Variants in ATRNL1 observed in about 807,000 individuals in gnomAD.
The protein encoded by ATRNL1 is attractin-like protein 1.
A neutral mutation model predicts 182.7 loss-of-function variants in ATRNL1; 95 were observed. The ratio of observed to expected loss-of-function variants is 0.52; its 90% confidence interval spans 0.44 to 0.62. The LOEUF (loss-of-function observed/expected upper bound fraction) is 0.62, where lower values mean the gene tolerates loss of function less well. ATRNL1 is among the 20% of genes least tolerant of loss of function. ATRNL1 has a pLI of 0.00. For missense variants in ATRNL1, 1,471 were observed against 1,679.5 expected (o/e 0.88, Z 2.17); for synonymous variants, 576 against 568.3 (o/e 1.01, Z -0.19).
intron 27 of ATRNL1, among the ~76,000 whole-genome samples, chr10:115,785,877 T>C (rs1949384584): frequency 6.6e-6 from 1 of 152,224 alleles, no homozygotes. Context: ...ATCCTTTACA[T>C]GTTTCACCTT....
intron 24 of ATRNL1, among the ~76,000 whole-genome samples, chr10:115,509,144 A>G (rs145044233): frequency 1.4e-4 from 22 of 152,118 alleles, no homozygotes; most frequent in Admixed American, 1.1e-3. Context: ...CAGCATATCT[A>G]TTTACAGCAT....
At position 115,499,327 on chromosome 10, in the gene ATRNL1, T is replaced by C. The variant is rs1849701467; in HGVS notation, c.3655-19936T>C. ...CATATTTTAACTGGTATAATCTTTGTGAAAAAGTAATGCTTGTTTTCTAGT... is the reference window on the plus strand; with the variant it reads ...CATATTTTAACTGGTATAATCTTTGCGAAAAAGTAATGCTTGTTTTCTAGT... On this transcript the variant is annotated intron_variant, in intron 24 of 28. Transcript: ENST00000355044. 2.0e-5 allele frequency among the ~76,000 whole-genome samples: 3 copies of C among 152,216 alleles called. No homozygotes were observed. The South Asian group carries it at 6.2e-4, about 31-fold the overall frequency.
chr10:115,326,115 G>A (rs1854864466), intron 18 of ATRNL1, among the ~76,000 whole-genome samples: 1 of 152,024 alleles, frequency 6.6e-6, no homozygotes, highest in South Asian at 2.1e-4. Flanking sequence ...AATAAACGGT[G>A]TTCAATTAGG....
At chr10:115,702,366 G>C (rs1555051759) in intron 26 of ATRNL1, among the ~76,000 whole-genome samples, 1 of 151,950 alleles carries the variant, frequency 6.6e-6, no homozygotes, top group Non-Finnish European at 1.5e-5. Context: ...AATAAGACAA[G>C]GATGCTCACT....
At chr10:115,581,734 A>G (rs1855097445) in intron 26 of ATRNL1, among the ~76,000 whole-genome samples, 1 of 139,114 alleles carries the variant, frequency 7.2e-6, no homozygotes, top group Non-Finnish European at 1.6e-5. Context: ...TAAAGAAACC[A>G]TCGACACTAA....
chr10:115,797,325 G>A (rs2907579), intron 27 of ATRNL1, among the ~76,000 whole-genome samples: 25,801 of 151,982 alleles, frequency 0.17, 2,459 homozygotes, highest in Non-Finnish European at 0.22. Context: ...CCTTTCTTCC[G>A]TGGTCTCTCT....
intron 15 of ATRNL1, among the ~76,000 whole-genome samples, chr10:115,289,671 A>G (rs932009078): frequency 1.3e-5 from 2 of 151,970 alleles, no homozygotes; most frequent in African/African-American, 4.8e-5. Context: ...TCTTGGTGTA[A>G]TTGTCAAAAA....
At chr10:115,107,898 G>A (rs1160536105) in intron 1 of ATRNL1, among the ~76,000 whole-genome samples, 1 of 152,290 alleles carries the variant, frequency 6.6e-6, no homozygotes, top group East Asian at 1.9e-4. Context: ...GCACAGGGCA[G>A]TGAATGCTGA....
chr10:115,648,249 G>A (rs1232436335), intron 26 of ATRNL1, among the ~76,000 whole-genome samples: 2 of 152,136 alleles, frequency 1.3e-5, no homozygotes, highest in African/African-American at 4.8e-5. Context: ...ACTTACAAGG[G>A]ATGTGAAGGA....
At chr10:115,209,356 A>G (rs1592262945) in intron 8 of ATRNL1, among the ~76,000 whole-genome samples, 1 of 147,792 alleles carries the variant, frequency 6.8e-6, no homozygotes, top group East Asian at 2.0e-4. Flanking sequence ...TCATAGTCCT[A>G]TGCTGTCACA....
chr10:115,452,750 T>G (rs959687437), intron 21 of ATRNL1, among the ~76,000 whole-genome samples: 2 of 152,156 alleles, frequency 1.3e-5, no homozygotes, highest in Admixed American at 1.3e-4. Flanking sequence ...CAATACAGTA[T>G]TGTTAACTAT....
chr10:115,621,645 T>G (rs1555022972), intron 26 of ATRNL1, among the ~76,000 whole-genome samples: 1 of 152,026 alleles, frequency 6.6e-6, no homozygotes, highest in East Asian at 1.9e-4. Context: ...AGTTTAAAAA[T>G]GTGTACAAGA....
chr10:115,127,961 G>C (rs1845047815), intron 4 of ATRNL1, among the ~76,000 whole-genome samples: 3 of 151,994 alleles, frequency 2.0e-5, no homozygotes, highest in Admixed American at 6.6e-5. Flanking sequence ...ATTGTTTTTT[G>C]GCAAGTGATT....
chr10:115,940,815 C>T lies in ATRNL1; in HGVS notation c.4019-3843C>T, dbSNP rs540728794. Among the ~76,000 whole-genome samples, 43 of 152,014 alleles carry T rather than the reference C, an allele frequency of 2.8e-4. 3 individuals are homozygous for T. In the South Asian group the frequency reaches 7.3e-3, roughly 26 times the overall value. ...GGTTCTCTTGTAGGTTGAAAGAGAA[C>T]GTAGCAACTTCTGATGTTTTTAAGG... On this transcript the variant is annotated intron_variant, in intron 28 of 28. Transcript: ENST00000355044.
At chr10:115,861,545 T>C (rs1555103462) in intron 28 of ATRNL1, among the ~76,000 whole-genome samples, 1 of 152,160 alleles carries the variant, frequency 6.6e-6, no homozygotes, top group Non-Finnish European at 1.5e-5. Context: ...CACCCTAATC[T>C]CTGGCCTGAA....
chr10:115,153,485 T>C (rs1389700350), intron 5 of ATRNL1, among the ~76,000 whole-genome samples: 1 of 152,212 alleles, frequency 6.6e-6, no homozygotes, highest in Non-Finnish European at 1.5e-5. Context: ...CTAGATTTTC[T>C]AGTTTATTTG....
chr10:115,379,888 G>A (rs782068788), intron 19 of ATRNL1, among the ~76,000 whole-genome samples: 4 of 152,152 alleles, frequency 2.6e-5, no homozygotes, highest in Non-Finnish European at 4.4e-5. Flanking sequence ...ATGCAGTGGC[G>A]TGATCTCAGC....
At chr10:115,470,230 T>A (rs887464897) in intron 24 of ATRNL1, among the ~76,000 whole-genome samples, 17 of 149,914 alleles carry the variant, frequency 1.1e-4, no homozygotes, top group South Asian at 8.4e-4. Context: ...CTGGAAAAAA[T>A]TTTTCTTCTT....
At chr10:115,348,581 G>A (rs1195189967) in intron 19 of ATRNL1, among the ~76,000 whole-genome samples, 1 of 152,112 alleles carries the variant, frequency 6.6e-6, no homozygotes, top group African/African-American at 2.4e-5. Context: ...TTGAATAGAA[G>A]AATGGCTCAG....
Sources: gnomAD v4.1 joint callset for allele counts (sites outside exome capture counted in the v4.1 genomes callset) on GRCh38, gnomAD v4.1.1 for gene constraint, MANE v1.5 for transcripts, NCBI Gene and HGNC (gene_info 2026-07-23, HGNC 2026-07-21) for gene names.